The following CCDC93 variants were observed in gnomAD, a reference collection of about 807,000 sequenced individuals.
The protein encoded by CCDC93 is CCC complex scaffolding subunit CCDC93.
A neutral mutation model predicts 108.2 loss-of-function variants in CCDC93; 61 were observed. The ratio of observed to expected loss-of-function variants is 0.56; its 90% CI spans 0.46 to 0.70. The LOEUF (loss-of-function observed/expected upper bound fraction) is 0.70. CCDC93 is among the 30% of genes least tolerant of loss of function. The pLI is 0.00. For synonymous variants in CCDC93, 276 were observed against 260.4 expected (o/e 1.06, Z -0.58); for missense variants, 685 against 764.2 (o/e 0.90, Z 1.22).
chr2:118,008,507 CAA>C (rs1448273195), intron 2 of CCDC93, 36 bp downstream of exon 2: 1 of 1,163,618 alleles, frequency 8.6e-7, no homozygotes, highest in South Asian at 1.3e-5. Flanking sequence ...GTCATTCTGA[CAA>C]AAGATAGTGT....
intron 6 of CCDC93, among the ~76,000 whole-genome samples, chr2:117,993,004 C>T (rs914258343): frequency 7.9e-5 from 12 of 152,096 alleles, no homozygotes; most frequent in African/African-American, 2.7e-4. Context: ...GCTATGCTGG[C>T]TTTTGCTCTA....
intron 10 of CCDC93, among the ~76,000 whole-genome samples, 174 bp from the exon 11 acceptor site, chr2:117,974,168 A>G (rs956090247): frequency 2.0e-5 from 3 of 152,166 alleles, no homozygotes; most frequent in Non-Finnish European, 4.4e-5. Context: ...AAGAAGCCTC[A>G]GGACAAACAC....
chr2:117,926,361 T>C (rs1190748782), intron 23 of CCDC93, among the ~76,000 whole-genome samples: 8 of 152,050 alleles, frequency 5.3e-5, no homozygotes, highest in Non-Finnish European at 1.2e-4. Context: ...ACAAAATTGA[T>C]AGACTGCTAG....
intron 6 of CCDC93, among the ~76,000 whole-genome samples, chr2:117,988,533 T>C (rs768770745): frequency 2.0e-5 from 3 of 152,178 alleles, no homozygotes; most frequent in East Asian, 1.9e-4. Flanking sequence ...CCATTGACCT[T>C]AACAGTTCAT....
At chr2:118,005,547 G>A (rs182603023) in intron 3 of CCDC93, among the ~76,000 whole-genome samples, 75 of 152,234 alleles carry the variant, frequency 4.9e-4, no homozygotes, top group African/African-American at 1.8e-3. Flanking sequence ...CCTGAGCCCA[G>A]GAGTTTTAAG....
intron 18 of CCDC93, among the ~76,000 whole-genome samples, chr2:117,942,029 ATC>A (rs1411747936): frequency 6.6e-6 from 1 of 152,198 alleles, no homozygotes; most frequent in African/African-American, 2.4e-5. Context: ...GCAGATGTGA[ATC>A]TCTAATTCAC....
In CCDC93 at chr2:117,917,715, T is replaced by C. The variant is rs1677730045; in HGVS notation, c.*2628A>G. ...AGGTCAAAGACATCAACAAATGTCC[T>C]AGCATCTCCCCACGCACCTCGTGAT... On this transcript the variant is annotated 3_prime_UTR_variant, in exon 24 of 24. Transcript: ENST00000376300. The C allele has an allele frequency of 6.6e-6, 1 of 152,354 alleles. No individual in the cohort carries two copies. Among genetic ancestry groups the C allele is most frequent in the South Asian group, 2.1e-4 (1 of 4,834 alleles). The allele number at this position is 152,354 out of a possible 1,614,324, so 9.4% of individuals were successfully genotyped here.
At chr2:117,991,230 C>T (rs796992914) in intron 6 of CCDC93, among the ~76,000 whole-genome samples, 12 of 152,280 alleles carry the variant, frequency 7.9e-5, no homozygotes, top group African/African-American at 2.6e-4. Context: ...CACCTGGCAT[C>T]CATTCTTTGG....
intron 3 of CCDC93, 31 bp from the exon 4 acceptor site, chr2:118,000,963 A>G: frequency 7.6e-7 from 1 of 1,318,504 alleles, no homozygotes; most frequent in Non-Finnish European, 1.1e-6. Flanking sequence ...GCAAAGAGTG[A>G]GGCATACTAA....
chr2:117,962,890 C>A (rs927966531), intron 11 of CCDC93, among the ~76,000 whole-genome samples: 1 of 152,100 alleles, frequency 6.6e-6, no homozygotes, highest in African/African-American at 2.4e-5. Context: ...AATCTTGATA[C>A]AGCTGTAAGA....
At chr2:117,984,580 C>T (rs895682757) in intron 7 of CCDC93, among the ~76,000 whole-genome samples, 1 of 152,136 alleles carries the variant, frequency 6.6e-6, no homozygotes, top group African/African-American at 2.4e-5. Flanking sequence ...ATGGTCTCAG[C>T]GAGGTGGGCA....
rs186399768 is a variant in CCDC93 at position 117,970,879 on chromosome 2, C to T, written c.888+3029G>A. 4.4e-3 allele frequency among the ~76,000 whole-genome samples: 669 copies of T among 152,268 alleles called. 4 individuals are homozygous for T. The highest frequency in any genetic ancestry group is 6.7e-3 in the Non-Finnish European group (456 of 68,018). ...TCCCTTCACAACTGTTAGTATTTTACGTAGTTGTAACACACAGAGGGAGTG... is the reference window on the plus strand; with the variant it reads ...TCCCTTCACAACTGTTAGTATTTTATGTAGTTGTAACACACAGAGGGAGTG... On this transcript the variant is annotated intron_variant, in intron 11 of 23. Coordinates refer to ENST00000376300, the MANE Select transcript of CCDC93 (RefSeq NM_019044.5).
intron 1 of CCDC93, chr2:118,012,802 CA>C (rs1204246385): frequency 7.2e-5 from 11 of 152,196 alleles, no homozygotes; most frequent in East Asian, 1.9e-4. Context: ...CACTGACAAA[CA>C]AATCTGTCCT....
At chr2:117,947,133 T>A (rs1678899337) in intron 15 of CCDC93, among the ~76,000 whole-genome samples, 1 of 152,212 alleles carries the variant, frequency 6.6e-6, no homozygotes, top group African/African-American at 2.4e-5. Flanking sequence ...CAGTAATCAC[T>A]GGGCATTGAA....
chr2:117,952,450 T>TA lies in CCDC93; in HGVS notation c.1006-16dup, dbSNP rs779153100. 1 of 1,582,158 alleles carries TA rather than the reference T, an allele frequency of 6.3e-7. No homozygotes were observed. The highest frequency in any genetic ancestry group is 1.7e-5 in the Admixed American group (1 of 59,970). Reference sequence around the variant, plus strand: ...CTTGCTCGCAGCTGTAAATGAAAGATAAAAGACATATGCTCTCATTTGATC... The same window carrying TA: ...CTTGCTCGCAGCTGTAAATGAAAGATAAAAAGACATATGCTCTCATTTGATC... On this transcript the variant is annotated splice_polypyrimidine_tract_variant and intron_variant, in intron 12 of 23. Transcript: ENST00000376300.
At chr2:117,955,616 T>C (rs1679193282) in intron 12 of CCDC93, among the ~76,000 whole-genome samples, 1 of 152,228 alleles carries the variant, frequency 6.6e-6, no homozygotes, top group South Asian at 2.1e-4. Context: ...ACAGACAGCC[T>C]GCTTAATTTC....
chr2:117,975,339 G>T, intron 8 of CCDC93, 59 bp from the exon 9 acceptor site: 2 of 1,187,742 alleles, frequency 1.7e-6, no homozygotes, highest in Non-Finnish European at 2.5e-6. Flanking sequence ...GTAGAGAAAG[G>T]ACAATACTGA....
chr2:117,989,010 T>C (rs1227174700), intron 6 of CCDC93, among the ~76,000 whole-genome samples: 1 of 152,216 alleles, frequency 6.6e-6, no homozygotes, highest in Non-Finnish European at 1.5e-5. Context: ...TAAAGATGGC[T>C]CCTGGGTTGT....
At chr2:117,950,863 T>C in intron 13 of CCDC93, 1 of 985,460 alleles carries the variant, frequency 1.0e-6, no homozygotes, top group Non-Finnish European at 1.2e-6. Flanking sequence ...ATTTGAATCC[T>C]GACACCCGGC....
Sources: gnomAD v4.1 joint callset for allele counts (sites outside exome capture counted in the v4.1 genomes callset) on GRCh38, gnomAD v4.1.1 for gene constraint, MANE v1.5 for transcripts, NCBI Gene and HGNC (gene_info 2026-07-23, HGNC 2026-07-21) for gene names.